ACTR3C: variants seen among roughly 807,000 people sequenced by gnomAD.
ACTR3C encodes actin related protein 3C, also known as actin-related protein 3C.
In ACTR3C, 18 loss-of-function variants were observed where a neutral mutation model predicts 26.3. The ratio of observed to expected loss-of-function variants is 0.68; its 90% CI spans 0.47 to 1.01. ACTR3C has a LOEUF of 1.01. ACTR3C is among the 50% of genes least tolerant of loss of function. The pLI is 0.00. For missense variants in ACTR3C, 184 were observed against 250.7 expected, an observed-to-expected ratio of 0.73 and a Z score of 1.80; for synonymous variants, 55 against 94.5, an observed-to-expected ratio of 0.58 and a Z score of 2.42.
chr7:150,016,036 C>T, the ACTR3C span, among the ~76,000 whole-genome samples: 1 of 151,592 alleles, frequency 6.6e-6, no homozygotes, highest in Non-Finnish European at 1.5e-5. Context: ...GTGCACTGAT[C>T]ACAGTGCATA....
intron 2 of ACTR3C, among the ~76,000 whole-genome samples, chr7:150,294,448 AT>A (rs1338546002): frequency 6.6e-6 from 1 of 152,236 alleles, no homozygotes; most frequent in East Asian, 1.9e-4. Context: ...CACCAGTCTT[AT>A]GTCTCCTGAA....
At chr7:150,082,768 T>C in the ACTR3C span, among the ~76,000 whole-genome samples, 19 of 133,678 alleles carry the variant, frequency 1.4e-4, no homozygotes, top group African/African-American at 4.0e-4. Context: ...ATGACTCTCT[T>C]TGTATTTACG....
At chr7:150,316,488 T>A (rs971251479) in intron 1 of ACTR3C, among the ~76,000 whole-genome samples, 2 of 120,124 alleles carry the variant, frequency 1.7e-5, no homozygotes, top group East Asian at 2.6e-4. Flanking sequence ...TGGTTATTTT[T>A]TTTTTTTTTT....
At chr7:150,285,414 C>G (rs1045827209) in intron 5 of ACTR3C, among the ~76,000 whole-genome samples, 2 of 152,130 alleles carry the variant, frequency 1.3e-5, no homozygotes, top group African/African-American at 4.8e-5. Flanking sequence ...TAAAGTATAA[C>G]GAATTCAACT....
chr7:150,123,342 T>A, the ACTR3C span, among the ~76,000 whole-genome samples: 1 of 151,982 alleles, frequency 6.6e-6, no homozygotes, highest in Non-Finnish European at 1.5e-5. Context: ...TAGAGACAGA[T>A]GCACGTAAAG....
At chr7:150,026,725 A>C in the ACTR3C span, among the ~76,000 whole-genome samples, 2 of 152,114 alleles carry the variant, frequency 1.3e-5, no homozygotes, top group Non-Finnish European at 2.9e-5. Flanking sequence ...AGAATTTTGC[A>C]TGACCTCATT....
chr7:150,296,365 AAAT>A lies in ACTR3C; in HGVS notation c.-51-1021_-51-1019del, dbSNP rs1428022802. Among the ~76,000 whole-genome samples, 98 of 148,816 alleles carry A rather than the reference AAAT, an allele frequency of 6.6e-4. 1 individual carries two copies. Among genetic ancestry groups the A allele is most frequent in the African/African-American group, 2.2e-3 (85 of 38,726 alleles). On this transcript the variant is annotated intron_variant, in intron 1 of 7. Coordinates refer to ENST00000683684, the MANE Select transcript of ACTR3C (RefSeq NM_001164458.2). The stretch of plus-strand genomic sequence containing the variant: ...CTGTCTCCAAAAGACCGAAAAAAAA[AAAT>A]ATCTGGAAAAATATTGAAACAAAGC...
the ACTR3C span, among the ~76,000 whole-genome samples, chr7:149,983,449 G>GTGTGTGTGTATATATATATATATA: frequency 1.7e-4 from 4 of 23,318 alleles, no homozygotes; most frequent in Admixed American, 6.7e-4. Context: ...GTGTGTGTGT[G>GTGTGTGTGTATATATATATATATA]TATATATATA....
At chr7:149,979,883 T>C in the ACTR3C span, among the ~76,000 whole-genome samples, 1 of 149,132 alleles carries the variant, frequency 6.7e-6, no homozygotes, top group South Asian at 2.1e-4. Context: ...CTGGAGGATC[T>C]TGGGGAGTCC....
chr7:149,892,174 C>T, the ACTR3C span: 46 of 1,309,354 alleles, frequency 3.5e-5, no homozygotes, highest in East Asian at 7.5e-5. Context: ...AGAATAGAAA[C>T]ACATTCTACA....
the ACTR3C span, among the ~76,000 whole-genome samples, chr7:150,144,889 A>G: frequency 6.6e-6 from 1 of 152,062 alleles, no homozygotes; most frequent in African/African-American, 2.4e-5. The surrounding 1 kb of genome is among the most constrained non-coding windows in gnomAD (Gnocchi z 4.6). Context: ...CTCTACTAAA[A>G]ATACAAAAAA....
At chr7:150,244,123 AT>A (rs1395468230), downstream of ACTR3C, 1 of 135,896 alleles carries the variant, frequency 7.4e-6, no homozygotes. Context: ...AATATTCAAT[AT>A]AGTCTTAGAA....
chr7:149,903,887 GTTGT>G, the ACTR3C span, among the ~76,000 whole-genome samples: 15 of 39,790 alleles, frequency 3.8e-4, no homozygotes, highest in African/African-American at 6.4e-4. Context: ...TGTTGTTGTT[GTTGT>G]TTGTTGTTGC....
At chr7:150,007,436 TC>T in the ACTR3C span, among the ~76,000 whole-genome samples, 1 of 152,238 alleles carries the variant, frequency 6.6e-6, no homozygotes, top group South Asian at 2.1e-4. Flanking sequence ...CTTAGGATGC[TC>T]CAAGAACGGC....
the ACTR3C span, among the ~76,000 whole-genome samples, chr7:150,202,918 C>T: frequency 6.6e-6 from 1 of 152,182 alleles, no homozygotes; most frequent in East Asian, 1.9e-4. Flanking sequence ...ATGAATGGCA[C>T]CAAAATGTCT....
At chr7:150,059,835 G>A in the ACTR3C span, among the ~76,000 whole-genome samples, 15 of 152,124 alleles carry the variant, frequency 9.9e-5, no homozygotes, top group African/African-American at 2.7e-4. Flanking sequence ...TCCTCTTCCC[G>A]GGGCAGGAGG....
the ACTR3C span, among the ~76,000 whole-genome samples, chr7:150,043,658 T>C: frequency 2.7e-3 from 418 of 152,348 alleles, 1 homozygote; most frequent in African/African-American, 9.8e-3. Flanking sequence ...GGCTATTCTG[T>C]AGGTGGGTAC....
chr7:150,155,057 G>A, the ACTR3C span, among the ~76,000 whole-genome samples: 107 of 152,278 alleles, frequency 7.0e-4, no homozygotes, highest in Non-Finnish European at 1.2e-3. Flanking sequence ...GAGGGTCAGG[G>A]TAAACCAGTT....
chr7:149,980,953 G>T, the ACTR3C span, among the ~76,000 whole-genome samples: 2 of 151,326 alleles, frequency 1.3e-5, no homozygotes, highest in Non-Finnish European at 2.9e-5. Flanking sequence ...CTTATGCATT[G>T]ATCGTTTGTC....
Sources: gnomAD v4.1 joint callset for allele counts (sites outside exome capture counted in the v4.1 genomes callset) on GRCh38, gnomAD v4.1.1 for gene constraint, Gnocchi (gnomAD v3.1) non-coding constraint, MANE v1.5 for transcripts, NCBI Gene and HGNC (gene_info 2026-07-23, HGNC 2026-07-21) for gene names.